NEK10: variants seen among roughly 807,000 people sequenced by gnomAD.
The protein encoded by NEK10 is NIMA related kinase 10.
NEK10 carries 122 observed loss-of-function variants against 159.8 expected under a neutral mutation model. The ratio of observed to expected loss-of-function variants is 0.76; its 90% CI spans 0.66 to 0.89. The LOEUF is 0.89. NEK10 is among the 40% of genes least tolerant of loss of function. The pLI is 0.00. For synonymous variants in NEK10, 466 were observed against 457.1 expected (o/e 1.02, Z -0.25); for missense variants, 1,342 against 1,323.1 (o/e 1.01, Z -0.22).
intron 32 of NEK10, among the ~76,000 whole-genome samples, chr3:27,127,428 A>C (rs1000917860): frequency 3.9e-5 from 6 of 152,188 alleles, no homozygotes; most frequent in African/African-American, 1.4e-4. Context: ...ACACAAAACT[A>C]GATAGTACAT....
intron 22 of NEK10, among the ~76,000 whole-genome samples, chr3:27,268,568 T>A (rs144424832): frequency 5.9e-5 from 9 of 152,222 alleles, no homozygotes; most frequent in African/African-American, 2.2e-4. Flanking sequence ...GTCCTTCTAT[T>A]TGCAGCATGG....
At chr3:27,189,406 G>T (rs1385386019) in intron 26 of NEK10, among the ~76,000 whole-genome samples, 1 of 151,922 alleles carries the variant, frequency 6.6e-6, no homozygotes, top group Non-Finnish European at 1.5e-5. Context: ...ATTCACAGTG[G>T]ATCCCCTTAT....
intron 5 of NEK10, among the ~76,000 whole-genome samples, chr3:27,337,531 A>T (rs1288845483): frequency 6.6e-6 from 1 of 152,186 alleles, no homozygotes; most frequent in Non-Finnish European, 1.5e-5. Flanking sequence ...GACCCATCAC[A>T]CTACCTGACT....
chr3:27,292,993 T>G (rs1022849255), intron 16 of NEK10, among the ~76,000 whole-genome samples: 1 of 152,126 alleles, frequency 6.6e-6, no homozygotes, highest in Non-Finnish European at 1.5e-5. Context: ...AACTTGGGCC[T>G]ATGATTTTGG....
At chr3:27,363,526 T>C (rs749087235) in intron 1 of NEK10, among the ~76,000 whole-genome samples, 13 of 152,202 alleles carry the variant, frequency 8.5e-5, no homozygotes, top group East Asian at 1.9e-4. Flanking sequence ...GATGTAGATA[T>C]GGAGAGTAGA....
At chr3:27,264,429 A>G (rs2040704217) in intron 22 of NEK10, among the ~76,000 whole-genome samples, 1 of 152,228 alleles carries the variant, frequency 6.6e-6, no homozygotes, top group Non-Finnish European at 1.5e-5. Flanking sequence ...ACATATAAAA[A>G]GCATAATACA....
At chr3:27,150,411 A>T (rs2148737152) in intron 30 of NEK10, among the ~76,000 whole-genome samples, 1 of 152,330 alleles carries the variant, frequency 6.6e-6, no homozygotes, top group South Asian at 2.1e-4. Context: ...CGCAACAGGT[A>T]ATCTTAGGTT....
intron 26 of NEK10, among the ~76,000 whole-genome samples, chr3:27,184,710 A>G (rs1017452353): frequency 1.3e-5 from 2 of 152,232 alleles, no homozygotes; most frequent in African/African-American, 4.8e-5. Context: ...TTCTCTTCCT[A>G]CATCATTACT....
intron 22 of NEK10, among the ~76,000 whole-genome samples, chr3:27,260,521 T>C (rs2040312089): frequency 6.6e-6 from 1 of 152,180 alleles, no homozygotes; most frequent in African/African-American, 2.4e-5. Context: ...CAGGATTACG[T>C]TTATTGATTT....
At chr3:27,216,224 G>C (rs1413369786) in intron 23 of NEK10, 1 of 245,660 alleles carries the variant, frequency 4.1e-6, no homozygotes, top group Non-Finnish European at 7.7e-6. Context: ...CCCAAGAGAA[G>C]GGTCCTTAAT....
In NEK10 at chr3:27,313,276, AG is replaced by A. The variant is rs200742376; in HGVS notation, c.489+1020del. ...TGAGACCCTATCTCAAAAAAAAAAA[AG>A]AAAAAGAAAGAAAAAGAAATTTTGT... On this transcript the variant is annotated intron_variant, in intron 7 of 35. Transcript: ENST00000691995. Among the ~76,000 whole-genome samples, 255 of 151,120 alleles carry A rather than the reference AG, an allele frequency of 1.7e-3. 1 individual carries two copies. The highest frequency in any genetic ancestry group is 2.8e-3 in the Non-Finnish European group (186 of 67,576).
intron 26 of NEK10, among the ~76,000 whole-genome samples, chr3:27,190,706 C>A (rs190557562): frequency 2.6e-5 from 4 of 152,220 alleles, no homozygotes; most frequent in African/African-American, 7.2e-5. Context: ...TAATAGAAGG[C>A]CCCAAATACC....
At chr3:27,278,593 G>A (rs973767252) in intron 22 of NEK10, 1 of 605,546 alleles carries the variant, frequency 1.7e-6, no homozygotes, top group African/African-American at 2.0e-5. Flanking sequence ...TAGCCTGTTT[G>A]TTTGCAAGAT....
At chr3:27,244,964 A>G (rs939133676) in intron 23 of NEK10, among the ~76,000 whole-genome samples, 8 of 152,126 alleles carry the variant, frequency 5.3e-5, no homozygotes, top group Non-Finnish European at 2.9e-5. Context: ...ACTTTTTCCA[A>G]TGAAATCTGA....
intron 22 of NEK10, among the ~76,000 whole-genome samples, chr3:27,282,494 G>A (rs954771814): frequency 6.9e-6 from 1 of 144,764 alleles, no homozygotes; most frequent in Non-Finnish European, 1.5e-5. Context: ...GCCATTTAAG[G>A]AGGATTAAAC....
intron 5 of NEK10, among the ~76,000 whole-genome samples, chr3:27,323,613 A>C (rs655736): frequency 0.013 from 2,007 of 151,986 alleles, 12 homozygotes; most frequent in South Asian, 0.02. Flanking sequence ...GGAAAAAAAA[A>C]CCTGGATTTT....
intron 31 of NEK10, among the ~76,000 whole-genome samples, chr3:27,140,329 T>C (rs1943661015): frequency 6.6e-6 from 1 of 152,120 alleles, no homozygotes; most frequent in Non-Finnish European, 1.5e-5. Context: ...TGGGACCCCT[T>C]GAGGAAGGCC....
intron 22 of NEK10, among the ~76,000 whole-genome samples, chr3:27,278,342 T>C (rs1438594472): frequency 6.6e-6 from 1 of 152,222 alleles, no homozygotes; most frequent in African/African-American, 2.4e-5. Flanking sequence ...TGCTCACTTG[T>C]AGGATGTGTC....
chr3:27,124,756 A>T (rs562220663), intron 32 of NEK10, among the ~76,000 whole-genome samples: 1 of 152,340 alleles, frequency 6.6e-6, no homozygotes, highest in South Asian at 2.1e-4. Context: ...AGGGAGGAGA[A>T]GGTGGTGAGT....
Sources: allele counts gnomAD v4.1 joint callset (sites outside exome capture counted in the v4.1 genomes callset), GRCh38; gene constraint gnomAD v4.1.1; transcripts MANE v1.5; gene names NCBI Gene and HGNC (gene_info 2026-07-23, HGNC 2026-07-21).